Variants in C3orf33 observed in about 807,000 individuals in gnomAD.
C3orf33 encodes the protein AP-1 activity suppressor.
In C3orf33, 23 loss-of-function variants were observed where a neutral mutation model predicts 28.7. That is an observed-to-expected ratio of 0.80 (90% CI 0.58 to 1.13). The LOEUF (loss-of-function observed/expected upper bound fraction) is 1.13. Among genes scored for constraint, C3orf33 ranks in the 50% most tolerant of loss-of-function variants. The pLI is 0.00. For synonymous variants in C3orf33, 119 were observed against 120.5 expected (o/e 0.99, Z 0.08); for missense variants, 327 against 353.4 (o/e 0.93, Z 0.60).
intron 2 of C3orf33, among the ~76,000 whole-genome samples, chr3:155,776,759 C>CAAAAAA (rs10654812): frequency 0.012 from 1,017 of 86,720 alleles, 85 homozygotes; most frequent in African/African-American, 0.039. Flanking sequence ...CTGACTCTGT[C>CAAAAAA]AAAAAAAAAA....
intron 2 of C3orf33, among the ~76,000 whole-genome samples, chr3:155,793,342 A>C (rs1370739549): frequency 6.6e-6 from 1 of 151,584 alleles, no homozygotes; most frequent in Non-Finnish European, 1.5e-5. Context: ...CATGTCCTGC[A>C]AGAAATGTTA....
At position 155,806,262 on chromosome 3, in the gene C3orf33, C is replaced by G; in HGVS notation, c.-10G>C. 2.0e-6 allele frequency: 3 copies of G among 1,465,694 alleles called. No homozygotes were observed. The highest frequency in any genetic ancestry group is 2.8e-5 in the East Asian group (1 of 36,286). 90.8% of individuals were successfully genotyped at this position (1,465,694 alleles called of 1,614,324 possible). On this transcript the variant is annotated 5_prime_UTR_variant, in exon 1 of 5. Transcript: ENST00000340171. ...CGGGCTGCCCCGCCATGTTCCCGGC[C>G]TCCTGCGAGCGGCCCTGAGCTCCTC...
chr3:155,787,275 T>C lies in C3orf33; in HGVS notation c.175-11427A>G, dbSNP rs1327966312. Among the ~76,000 whole-genome samples the C allele has an allele frequency of 7.9e-5, 12 of 151,524 alleles. No individual in the cohort carries two copies. In the East Asian group the frequency reaches 1.9e-3, roughly 24 times the overall value. The stretch of plus-strand genomic sequence containing the variant: ...GTGCGGTGGCTTGATCATGGCTCAA[T>C]GTAGCCTTGACCTGCTGGGCTCAAT... On this transcript the variant is annotated intron_variant, in intron 2 of 4. Coordinates refer to ENST00000340171, the MANE Select transcript of C3orf33 (RefSeq NM_001308229.2).
At chr3:155,773,983 G>A (rs1559990137) in intron 3 of C3orf33, among the ~76,000 whole-genome samples, 1 of 152,144 alleles carries the variant, frequency 6.6e-6, no homozygotes, top group African/African-American at 2.4e-5. Context: ...GTTTGGGGGG[G>A]AAAATCAATC....
chr3:155,795,437 C>T (rs1045990942), intron 2 of C3orf33, among the ~76,000 whole-genome samples: 1 of 151,820 alleles, frequency 6.6e-6, no homozygotes, highest in South Asian at 2.1e-4. Flanking sequence ...GCCTGGGTAA[C>T]AGAGCAAGAC....
intron 2 of C3orf33, among the ~76,000 whole-genome samples, chr3:155,787,837 T>C (rs1751175001): frequency 6.6e-6 from 1 of 151,974 alleles, no homozygotes; most frequent in South Asian, 2.1e-4. Flanking sequence ...TTTAAAGGAT[T>C]ATACATTATA....
At chr3:155,770,809 T>C (rs1750557617) in intron 3 of C3orf33, among the ~76,000 whole-genome samples, 1 of 151,990 alleles carries the variant, frequency 6.6e-6, no homozygotes, top group East Asian at 2.0e-4. Context: ...TACAAGCGCA[T>C]GCCACCACAC....
chr3:155,773,362 T>C (rs1479069670), intron 3 of C3orf33, among the ~76,000 whole-genome samples: 1 of 152,208 alleles, frequency 6.6e-6, no homozygotes, highest in Non-Finnish European at 1.5e-5. Context: ...GCGGTTAATA[T>C]CTGTTGAGAG....
At chr3:155,793,385 G>A (rs67833663) in intron 2 of C3orf33, among the ~76,000 whole-genome samples, 23,415 of 75,258 alleles carry the variant, frequency 0.31, 2,179 homozygotes, top group Middle Eastern at 0.41. Flanking sequence ...AAAAAAAAAA[G>A]AAAGAAAAAA....
intron 3 of C3orf33, among the ~76,000 whole-genome samples, chr3:155,771,902 T>G (rs1469956947): frequency 6.6e-6 from 1 of 152,114 alleles, no homozygotes; most frequent in Non-Finnish European, 1.5e-5. Flanking sequence ...CCAAGAGTAC[T>G]CTATCAAAAA....
chr3:155,792,151 GGAGA>G (rs1751333604), intron 2 of C3orf33, among the ~76,000 whole-genome samples: 1 of 152,132 alleles, frequency 6.6e-6, no homozygotes, highest in Non-Finnish European at 1.5e-5. Context: ...TACTTTTCTG[GGAGA>G]AAGAAAGGGG....
At chr3:155,796,874 C>T (rs993359365) in intron 2 of C3orf33, among the ~76,000 whole-genome samples, 12 of 152,110 alleles carry the variant, frequency 7.9e-5, no homozygotes, top group Non-Finnish European at 1.5e-4. Flanking sequence ...ATAAATCAAT[C>T]GATGTGATAC....
intron 2 of C3orf33, 121 bp from the exon 3 acceptor site, chr3:155,775,969 T>G: frequency 1.5e-6 from 1 of 664,112 alleles, no homozygotes; most frequent in Non-Finnish European, 2.5e-6. Context: ...TAAAATTTAG[T>G]TCCTAATTTT....
At chr3:155,765,964 A>G (rs1454616818) in intron 4 of C3orf33, among the ~76,000 whole-genome samples, 2 of 152,246 alleles carry the variant, frequency 1.3e-5, no homozygotes, top group African/African-American at 4.8e-5. Flanking sequence ...AAATTAATGA[A>G]TTTCATTAAG....
chr3:155,777,077 G>A lies in C3orf33; in HGVS notation c.175-1229C>T, dbSNP rs946315418. On this transcript the variant is annotated intron_variant, in intron 2 of 4. Coordinates refer to ENST00000340171, the MANE Select transcript of C3orf33 (RefSeq NM_001308229.2). ...TCATGCCTGTAATCCTAGCACTTTT[G>A]GAGGCCGAGGCGGGAGGATCACCTG... Among the ~76,000 whole-genome samples, 11 of 152,144 alleles carry A rather than the reference G, an allele frequency of 7.2e-5. No individual in the cohort carries two copies. The South Asian group carries it at 1.2e-3, about 17-fold the overall frequency.
chr3:155,795,929 C>G lies in C3orf33; in HGVS notation c.174+6603G>C, dbSNP rs1226381755. Among the ~76,000 whole-genome samples the G allele has an allele frequency of 2.0e-5, 3 of 152,006 alleles. No homozygotes were observed. The East Asian group carries it at 5.8e-4, about 29-fold the overall frequency. On this transcript the variant is annotated intron_variant, in intron 2 of 4. Transcript: ENST00000340171. ...CAAGATCATGCCACTGCACTCCAGC[C>G]TGGGCAACAAAGCAAGACTCCATCT... is the stretch of plus-strand genomic sequence containing the variant.
At chr3:155,766,422 C>G (rs1296749825) in intron 4 of C3orf33, among the ~76,000 whole-genome samples, 3 of 152,184 alleles carry the variant, frequency 2.0e-5, no homozygotes, top group African/African-American at 7.2e-5. Context: ...CTGATCAGAA[C>G]TAGTACTTAA....
At position 155,763,834 on chromosome 3, in the gene C3orf33, C is replaced by T; in HGVS notation, c.568G>A (p.Asp190Asn). 6.4e-7 allele frequency: 1 copy of T among 1,572,834 alleles called. No individual in the cohort carries two copies. Among genetic ancestry groups the T allele is most frequent in the Non-Finnish European group, 8.6e-7 (1 of 1,165,940 alleles). Residue 190 changes from aspartate (D) to asparagine (N), a missense_variant, in exon 5 of 5, where the codon GAT (aspartate) becomes AAT (asparagine). By Grantham distance (23) the Asp-to-Asn change is conservative (BLOSUM62 1). Transcript: ENST00000340171. Reference sequence around the variant, plus strand: ...TGAACTGTCCAGTAGATTTTAGAATCATATTTAAGCCCTTTAACAAGAACA... The same window carrying T: ...TGAACTGTCCAGTAGATTTTAGAATTATATTTAAGCCCTTTAACAAGAACA... ...KTVLVKGLKY[D>N]SKIYWTVHRN... is the part of the protein sequence containing the mutation.
rs555585893 is a variant in C3orf33, at chr3:155,768,919, T to C, written c.323-1250A>G. On this transcript the variant is annotated intron_variant, in intron 3 of 4. Transcript: ENST00000340171. ...GGTCAGGTGCAGTGCCTCACTCCTGTAATCCCAGCACTTTGGGAGGCCAAG... is the reference window on the plus strand; with the variant it reads ...GGTCAGGTGCAGTGCCTCACTCCTGCAATCCCAGCACTTTGGGAGGCCAAG... Among the ~76,000 whole-genome samples the C allele has an allele frequency of 1.9e-4, 29 of 152,290 alleles. No individual in the cohort carries two copies. In the South Asian group the frequency reaches 3.5e-3, roughly 18 times the overall value.
Sources: allele counts gnomAD v4.1 joint callset (sites outside exome capture counted in the v4.1 genomes callset), GRCh38; gene constraint gnomAD v4.1.1; transcripts MANE v1.5; gene names NCBI Gene and HGNC (gene_info 2026-07-23, HGNC 2026-07-21).